Variants in BBS9 observed in about 807,000 individuals in gnomAD.
The protein encoded by BBS9 is Bardet-Biedl syndrome 9, also known as protein PTHB1.
Under a neutral mutation model 117.7 loss-of-function variants are expected in BBS9, and 89 were observed. The observed-to-expected ratio is 0.76, with a 90% CI of 0.64 to 0.90. The LOEUF is 0.90. Ranked by LOEUF, BBS9 falls within the 40% of genes least tolerant of loss-of-function variation. The pLI is 0.00. For missense variants in BBS9, 982 were observed against 1,042.2 expected, an observed-to-expected ratio of 0.94 and a Z score of 0.80; for synonymous variants, 379 against 370.9, an observed-to-expected ratio of 1.02 and a Z score of -0.25.
chr7:33,570,445 A>G (rs190841886), intron 21 of BBS9, among the ~76,000 whole-genome samples: 5 of 152,358 alleles, frequency 3.3e-5, no homozygotes, highest in Admixed American at 1.3e-4. Context: ...TAGGGGGGAA[A>G]GGACAGCTAT....
At chr7:33,411,907 GATA>G (rs1831212166) in intron 19 of BBS9, among the ~76,000 whole-genome samples, 1 of 152,064 alleles carries the variant, frequency 6.6e-6, no homozygotes, top group Non-Finnish European at 1.5e-5. Flanking sequence ...GTTTTATACA[GATA>G]ATAATTATAA....
In BBS9 at chr7:33,521,167, T is replaced by G. The variant is rs1848534496; in HGVS notation, c.2299-12787T>G. Among the ~76,000 whole-genome samples the G allele has an allele frequency of 3.9e-5, 6 of 152,306 alleles. No homozygotes were observed. In the South Asian group the frequency reaches 1.2e-3, roughly 32 times the overall value. ...TCACGTTTTATAATAATTCAGGTAATCTACTTTGTGTTCCTCCATCTAAAG... is the reference window on the plus strand; with the variant it reads ...TCACGTTTTATAATAATTCAGGTAAGCTACTTTGTGTTCCTCCATCTAAAG... On this transcript the variant is annotated intron_variant, in intron 20 of 22. Transcript: ENST00000242067.
chr7:33,419,142 A>G (rs1362603719), intron 19 of BBS9, among the ~76,000 whole-genome samples: 1 of 152,046 alleles, frequency 6.6e-6, no homozygotes, highest in East Asian at 1.9e-4. Context: ...AAACTGTAGT[A>G]AGGTCTTGAG....
chr7:33,303,717 C>T (rs990738207), intron 9 of BBS9, among the ~76,000 whole-genome samples: 6 of 152,020 alleles, frequency 3.9e-5, no homozygotes, highest in African/African-American at 9.7e-5. Flanking sequence ...CCGTGTTGAC[C>T]GGGCTGGTCT....
Position 33,335,054 on chromosome 7 carries a change from G to A in BBS9, c.1017-1387G>A, listed in dbSNP as rs1273730743. Reference sequence around the variant, plus strand: ...TAGTATCTACTCCCAACCCAGTTGAGCTTTTAGATTAATGAAATGACTACC... The same window carrying A: ...TAGTATCTACTCCCAACCCAGTTGAACTTTTAGATTAATGAAATGACTACC... On this transcript the variant is annotated intron_variant, in intron 9 of 22. Coordinates refer to ENST00000242067, the MANE Select transcript of BBS9 (RefSeq NM_198428.3). Among the ~76,000 whole-genome samples, 3 of 152,270 alleles carry A rather than the reference G, an allele frequency of 2.0e-5. No homozygotes were observed. The East Asian group carries it at 5.8e-4, about 29-fold the overall frequency.
intron 21 of BBS9, among the ~76,000 whole-genome samples, chr7:33,597,881 AAAAAAACAAAAC>A (rs1425437930): frequency 2.6e-5 from 4 of 151,732 alleles, no homozygotes; most frequent in African/African-American, 7.3e-5. Context: ...CCAAAAAAAA[AAAAAAACAAAAC>A]AAAAACAAAT....
Position 33,468,985 on chromosome 7 carries a change from C to G in BBS9, c.2116-36478C>G, listed in dbSNP as rs985240867. On this transcript the variant is annotated intron_variant, in intron 19 of 22. Transcript: ENST00000242067. ...TTAAACAGGCATACAGATTTCTCTT[C>G]AATCTACTGATTCCTTTTTTTTTTT... Among the ~76,000 whole-genome samples, 6 of 139,518 alleles carry G rather than the reference C, an allele frequency of 4.3e-5. No homozygotes were observed. In the Admixed American group the frequency reaches 4.6e-4, roughly 11 times the overall value. 91.5% of individuals were successfully genotyped at this position (139,518 alleles called of 152,430 possible). A position where few individuals can be genotyped will look rare whatever the true frequency, so the allele number is the denominator to read the frequency against.
intron 11 of BBS9, among the ~76,000 whole-genome samples, chr7:33,343,109 T>G (rs1424103897): frequency 6.6e-6 from 1 of 152,198 alleles, no homozygotes; most frequent in Non-Finnish European, 1.5e-5. Flanking sequence ...CTGATGCTCA[T>G]TACATCATAG....
intron 5 of BBS9, among the ~76,000 whole-genome samples, chr7:33,222,568 G>A (rs187446533): frequency 1.3e-5 from 2 of 151,962 alleles, no homozygotes; most frequent in South Asian, 4.2e-4. Flanking sequence ...GGTCTCCCCC[G>A]GTTTCTTCTC....
At chr7:33,456,519 C>G (rs542776006) in intron 19 of BBS9, among the ~76,000 whole-genome samples, 29 of 151,894 alleles carry the variant, frequency 1.9e-4, no homozygotes, top group Admixed American at 3.9e-4. Context: ...TTAGAAAACT[C>G]TCTTTTGCTT....
At chr7:33,305,036 C>G (rs1312298999) in intron 9 of BBS9, among the ~76,000 whole-genome samples, 1 of 151,758 alleles carries the variant, frequency 6.6e-6, no homozygotes, top group Non-Finnish European at 1.5e-5. Flanking sequence ...AACCAGAGAC[C>G]TTTGTTCATG....
At chr7:33,415,699 CT>C (rs1420299752) in intron 19 of BBS9, among the ~76,000 whole-genome samples, 1 of 152,188 alleles carries the variant, frequency 6.6e-6, no homozygotes, top group African/African-American at 2.4e-5. Flanking sequence ...CTTAGCTTTA[CT>C]TAAACACTCC....
At chr7:33,481,946 A>C (rs1436119831) in intron 19 of BBS9, among the ~76,000 whole-genome samples, 2 of 152,196 alleles carry the variant, frequency 1.3e-5, no homozygotes, top group Non-Finnish European at 2.9e-5. Context: ...GTAGTTTGGG[A>C]CGTTTTTCAT....
At chr7:33,243,879 G>C (rs1308395403) in intron 5 of BBS9, among the ~76,000 whole-genome samples, 3 of 152,106 alleles carry the variant, frequency 2.0e-5, no homozygotes, top group Non-Finnish European at 4.4e-5. Context: ...ATTTGTATTA[G>C]TATTGTCTTT....
At chr7:33,566,884 AT>A (rs1268707348) in intron 21 of BBS9, among the ~76,000 whole-genome samples, 2 of 152,184 alleles carry the variant, frequency 1.3e-5, no homozygotes, top group African/African-American at 4.8e-5. Flanking sequence ...TAGATCCTTT[AT>A]GTTAAAAGTG....
chr7:33,611,405 T>C (rs1038671505), intron 21 of BBS9, among the ~76,000 whole-genome samples: 2 of 148,346 alleles, frequency 1.3e-5, no homozygotes, highest in African/African-American at 4.9e-5. Flanking sequence ...TTTAGGTCTG[T>C]AATATTCATT....
At chr7:33,313,530 G>T (rs1809780259) in intron 9 of BBS9, among the ~76,000 whole-genome samples, 1 of 152,148 alleles carries the variant, frequency 6.6e-6, no homozygotes. Flanking sequence ...ATAAGAGTTA[G>T]TTTCAAAAGA....
At chr7:33,517,205 A>G (rs781008462) in intron 20 of BBS9, among the ~76,000 whole-genome samples, 4 of 152,210 alleles carry the variant, frequency 2.6e-5, no homozygotes, top group Non-Finnish European at 5.9e-5. Flanking sequence ...ACTTTTATTG[A>G]GCATTATTAT....
chr7:33,345,791 T>C (rs1469690889), intron 12 of BBS9, among the ~76,000 whole-genome samples: 1 of 152,248 alleles, frequency 6.6e-6, no homozygotes, highest in Non-Finnish European at 1.5e-5. Context: ...TATCTACTGA[T>C]AACGTTCAGA....
Sources: gnomAD v4.1 joint callset for allele counts (sites outside exome capture counted in the v4.1 genomes callset) on GRCh38, gnomAD v4.1.1 for gene constraint, MANE v1.5 for transcripts, NCBI Gene and HGNC (gene_info 2026-07-23, HGNC 2026-07-21) for gene names.